Variants in THADA observed in about 807,000 individuals in gnomAD.
THADA encodes the protein tRNA (32-2'-O)-methyltransferase regulator THADA.
Under a neutral mutation model 219.8 loss-of-function variants are expected in THADA, and 213 were observed. That is an observed-to-expected ratio of 0.97 (90% CI 0.87 to 1.09). The LOEUF (loss-of-function observed/expected upper bound fraction) is 1.09. Among genes scored for constraint, THADA ranks in the 50% least tolerant of loss-of-function variants. The pLI, the probability that THADA is intolerant of heterozygous loss-of-function variation, is 0.00. For missense variants in THADA, 2,956 were observed against 2,311.3 expected (o/e 1.28, Z -5.72); for synonymous variants, 1,018 against 828.9 (o/e 1.23, Z -3.92).
chr2:43,450,301 C>G (rs76171330), intron 26 of THADA, among the ~76,000 whole-genome samples: 12,697 of 152,150 alleles, frequency 0.083, 591 homozygotes, highest in South Asian at 0.14. Context: ...AAAACAACTA[C>G]TAATGTTTTG....
In THADA at chr2:43,425,442, T is replaced by TTGTGTGTG. The variant is rs1225795608; in HGVS notation, c.4058+2657_4058+2658insCACACACA. Among the ~76,000 whole-genome samples the TTGTGTGTG allele has an allele frequency of 1.1e-4, 12 of 112,878 alleles. No individual in the cohort carries two copies. The East Asian group carries it at 2.4e-3, about 22-fold the overall frequency. 74.1% of individuals were successfully genotyped at this position (112,878 alleles called of 152,430 possible). ...GCTACTACTGTCTAGCTTGTTAAAA[T>TTGTGTGTG]TGTATGTGTGTGTGTGTGTGTGTGT... is the stretch of plus-strand genomic sequence containing the variant. On this transcript the variant is annotated intron_variant, in intron 28 of 37. Coordinates refer to ENST00000405975, the MANE Select transcript of THADA (RefSeq NM_022065.5).
intron 26 of THADA, among the ~76,000 whole-genome samples, chr2:43,484,977 T>C (rs778188762): frequency 6.6e-6 from 1 of 151,486 alleles, no homozygotes; most frequent in Non-Finnish European, 1.5e-5. Context: ...AGCTTTTGCA[T>C]GGAGAAACAA....
rs552570259 is a variant in THADA at position 43,436,985 on chromosome 2, AC to A, written c.3837-6684del. ...TAGGTCATATAGCTCTCAGATGTCT[AC>A]GAAGATCTCTCCAAAATGGGGTTAT... On this transcript the variant is annotated intron_variant, in intron 26 of 37. Coordinates refer to ENST00000405975, the MANE Select transcript of THADA (RefSeq NM_022065.5). 5.1e-3 allele frequency among the ~76,000 whole-genome samples: 781 copies of A among 152,340 alleles called. 4 individuals carry two copies. Among genetic ancestry groups the A allele is most frequent in the Non-Finnish European group, 5.9e-3 (403 of 68,024 alleles).
chr2:43,375,963 C>T (rs1356924322), intron 29 of THADA, among the ~76,000 whole-genome samples: 1 of 152,158 alleles, frequency 6.6e-6, no homozygotes, highest in African/African-American at 2.4e-5. Context: ...ACACAAGAAA[C>T]ACCACCCACC....
chr2:43,559,515 T>C (rs1697802850), intron 16 of THADA, among the ~76,000 whole-genome samples: 2 of 152,112 alleles, frequency 1.3e-5, no homozygotes, highest in Admixed American at 6.5e-5. Flanking sequence ...TAGAAAGCCA[T>C]AGCTAAGCTC....
chr2:43,382,343 T>C (rs904619150), intron 29 of THADA, among the ~76,000 whole-genome samples: 27 of 152,242 alleles, frequency 1.8e-4, no homozygotes, highest in African/African-American at 6.0e-4. Flanking sequence ...AGAAACTTTC[T>C]GTACTATCTT....
At chr2:43,466,604 T>C (rs1684267425) in intron 26 of THADA, among the ~76,000 whole-genome samples, 1 of 152,142 alleles carries the variant, frequency 6.6e-6, no homozygotes, top group South Asian at 2.1e-4. Flanking sequence ...ACCTGGCACA[T>C]AGCAGCAGGT....
chr2:43,410,215 A>G (rs1676110809), intron 28 of THADA, among the ~76,000 whole-genome samples: 1 of 152,194 alleles, frequency 6.6e-6, no homozygotes, highest in African/African-American at 2.4e-5. Flanking sequence ...ACTCACTAGA[A>G]AGGCTAAAGT....
chr2:43,488,704 T>C (rs780550029), intron 25 of THADA, among the ~76,000 whole-genome samples: 4 of 152,218 alleles, frequency 2.6e-5, no homozygotes, highest in Non-Finnish European at 5.9e-5. Context: ...CTAGAAGTAG[T>C]ATTGCTTGGT....
intron 22 of THADA, among the ~76,000 whole-genome samples, chr2:43,522,158 G>A (rs1321571549): frequency 6.6e-6 from 1 of 152,076 alleles, no homozygotes; most frequent in East Asian, 1.9e-4. Flanking sequence ...ACTAATAGAT[G>A]TGTGCAGGAA....
chr2:43,240,664 C>T (rs1286535773), intron 36 of THADA, among the ~76,000 whole-genome samples: 1 of 152,138 alleles, frequency 6.6e-6, no homozygotes, highest in African/African-American at 2.4e-5. Context: ...CAACCTTTAC[C>T]ACCAATTAAA....
intron 26 of THADA, among the ~76,000 whole-genome samples, chr2:43,458,993 A>G (rs567273839): frequency 6.6e-6 from 1 of 152,190 alleles, no homozygotes; most frequent in Non-Finnish European, 1.5e-5. Flanking sequence ...TCTAGGTACC[A>G]CTTGTCTTGT....
chr2:43,471,536 G>A (rs967394153), intron 26 of THADA, among the ~76,000 whole-genome samples: 2 of 152,010 alleles, frequency 1.3e-5, no homozygotes, highest in Admixed American at 1.3e-4. Flanking sequence ...GTCCCAAAAA[G>A]CAAAATAAAG....
At chr2:43,231,786 TA>T (rs1667453679) in intron 37 of THADA, among the ~76,000 whole-genome samples, 1 of 152,196 alleles carries the variant, frequency 6.6e-6, no homozygotes, top group Non-Finnish European at 1.5e-5. Flanking sequence ...CCTGTTTCTA[TA>T]ACACTGTGAT....
chr2:43,483,100 C>T (rs2105005370), intron 26 of THADA, among the ~76,000 whole-genome samples: 1 of 152,286 alleles, frequency 6.6e-6, no homozygotes, highest in Middle Eastern at 3.4e-3. Context: ...ACCAAGAACA[C>T]ACATTTCCAA....
intron 36 of THADA, among the ~76,000 whole-genome samples, chr2:43,258,548 A>G (rs1041153938): frequency 2.0e-5 from 3 of 152,312 alleles, no homozygotes; most frequent in African/African-American, 7.2e-5. Flanking sequence ...AAATAAAAAT[A>G]AAAATAAAAA....
intron 21 of THADA, 111 bp from the exon 22 acceptor site, chr2:43,528,099 T>G: frequency 1.6e-6 from 1 of 627,222 alleles, no homozygotes; most frequent in Non-Finnish European, 2.8e-6. Context: ...CATTTAGCGC[T>G]TACCATATGA....
At chr2:43,495,931 A>G (rs1264183651) in intron 25 of THADA, among the ~76,000 whole-genome samples, 1 of 152,244 alleles carries the variant, frequency 6.6e-6, no homozygotes, top group Non-Finnish European at 1.5e-5. Flanking sequence ...GCTCTTAGAC[A>G]GAATTCCAGA....
At chr2:43,318,071 G>A (rs1276449785) in intron 31 of THADA, among the ~76,000 whole-genome samples, 2 of 151,614 alleles carry the variant, frequency 1.3e-5, no homozygotes, top group African/African-American at 2.4e-5. Context: ...ACAGGGTATC[G>A]CTCTGTCGCC....
Sources: allele counts gnomAD v4.1 joint callset (sites outside exome capture counted in the v4.1 genomes callset), GRCh38; gene constraint gnomAD v4.1.1; transcripts MANE v1.5; gene names NCBI Gene and HGNC (gene_info 2026-07-23, HGNC 2026-07-21).